Variants in SCUBE1 observed in about 807,000 individuals in gnomAD.
The protein encoded by SCUBE1 is signal peptide, CUB and EGF-like domain-containing protein 1.
SCUBE1 carries 59 observed loss-of-function variants against 124.4 expected under a neutral mutation model. The observed-to-expected ratio is 0.47, with a 90% CI of 0.38 to 0.59. SCUBE1 has a LOEUF of 0.59. Ranked by LOEUF, SCUBE1 falls within the 20% of genes least tolerant of loss-of-function variation. The pLI is 0.00. For missense variants in SCUBE1, 1,150 were observed against 1,371.2 expected (o/e 0.84, Z 2.55); for synonymous variants, 545 against 550.9 (o/e 0.99, Z 0.15).
rs139001 is a variant in SCUBE1 at position 43,219,480 on chromosome 22, C to CTTTTTT, written c.1687+964_1687+969dup. On this transcript the variant is annotated intron_variant, in intron 14 of 21. Coordinates refer to ENST00000360835, the MANE Select transcript of SCUBE1 (RefSeq NM_173050.5). ...CAACGCAAATAGACTAAAACATTTCCTTTTTTTTTTTTTGAGATAGAGTCT... is the reference window on the plus strand; with the variant it reads ...CAACGCAAATAGACTAAAACATTTCCTTTTTTTTTTTTTTTTTTTGAGATAGAGTCT... Among the ~76,000 whole-genome samples, 375 of 144,776 alleles carry CTTTTTT rather than the reference C, an allele frequency of 2.6e-3. 2 individuals are homozygous for CTTTTTT. The highest frequency in any genetic ancestry group is 9.1e-3 in the African/African-American group (354 of 38,862). The allele number at this position is 144,776 out of a possible 152,430, so 95.0% of individuals were successfully genotyped here.
chr22:43,241,820 G>C (rs1258978519), intron 6 of SCUBE1, among the ~76,000 whole-genome samples: 2 of 152,248 alleles, frequency 1.3e-5, no homozygotes, highest in South Asian at 4.1e-4. Flanking sequence ...ATGTGCCCAT[G>C]TCAGGCTCAT....
At chr22:43,326,087 C>G (rs1926718448) in intron 2 of SCUBE1, among the ~76,000 whole-genome samples, 1 of 152,138 alleles carries the variant, frequency 6.6e-6, no homozygotes, top group South Asian at 2.1e-4. Context: ...GTATTTTCCT[C>G]AAAATCGGGA....
chr22:43,231,914 AG>A (rs1922569096), intron 7 of SCUBE1, 39 bp from the exon 8 acceptor site: 8 of 1,603,784 alleles, frequency 5.0e-6, no homozygotes, highest in Non-Finnish European at 6.8e-6. Flanking sequence ...GAGAGCCAGG[AG>A]AATCAGCTTG....
intron 4 of SCUBE1, among the ~76,000 whole-genome samples, chr22:43,284,080 T>C (rs1339821547): frequency 1.3e-5 from 2 of 152,236 alleles, no homozygotes; most frequent in Non-Finnish European, 2.9e-5. Flanking sequence ...GGTCTGTGTA[T>C]GGAGACACAC....
At chr22:43,209,973 C>G in intron 19 of SCUBE1, 70 bp downstream of exon 19, 1 of 1,488,414 alleles carries the variant, frequency 6.7e-7, no homozygotes, top group Non-Finnish European at 9.1e-7. Flanking sequence ...TCCCGCCTGG[C>G]AGAACCGCAG....
chr22:43,324,197 AT>A (rs1270814518), intron 2 of SCUBE1, among the ~76,000 whole-genome samples: 1 of 152,222 alleles, frequency 6.6e-6, no homozygotes, highest in East Asian at 1.9e-4. Context: ...CCTTTTCATT[AT>A]TAAAATGATA....
chr22:43,342,896 G>T (rs1927374079), intron 1 of SCUBE1, among the ~76,000 whole-genome samples: 1 of 151,584 alleles, frequency 6.6e-6, no homozygotes, highest in Non-Finnish European at 1.5e-5. Flanking sequence ...CCCGGGAACC[G>T]CCGCCTTTCT....
chr22:43,273,191 C>G (rs567279989), intron 4 of SCUBE1, among the ~76,000 whole-genome samples: 5 of 152,326 alleles, frequency 3.3e-5, no homozygotes, highest in South Asian at 4.1e-4. Flanking sequence ...CTGGCAGGCA[C>G]GCACTGTGTA....
intron 14 of SCUBE1, 66 bp downstream of exon 14, chr22:43,220,384 G>A: frequency 6.4e-7 from 1 of 1,561,138 alleles, no homozygotes; most frequent in Non-Finnish European, 8.7e-7. Context: ...CAGGCCCCCG[G>A]CAGCGCCACC....
intron 5 of SCUBE1, among the ~76,000 whole-genome samples, chr22:43,259,841 T>C (rs9623794): frequency 0.021 from 3,127 of 152,184 alleles, 108 homozygotes; most frequent in African/African-American, 0.072. Flanking sequence ...GAAAAATGCT[T>C]CCAGAAACAC....
intron 2 of SCUBE1, among the ~76,000 whole-genome samples, chr22:43,325,688 T>C (rs1926703729): frequency 6.6e-6 from 1 of 151,888 alleles, no homozygotes; most frequent in Non-Finnish European, 1.5e-5. Context: ...ACTCCAAGCA[T>C]CCCTGTTCCT....
At position 43,343,353 on chromosome 22, in the gene SCUBE1, G is replaced by T. The variant is rs1456158921; in HGVS notation, c.-92C>A. ...CCGCAGGCGCTGCTCGCTGCTCGCC[G>T]CTCCGCCACCGCTCGGGCTCCCGAG... On this transcript the variant is annotated 5_prime_UTR_variant, in exon 1 of 22. Transcript: ENST00000360835. 14 of 556,160 alleles carry T rather than the reference G, an allele frequency of 2.5e-5. No individual in the cohort carries two copies. Among genetic ancestry groups the T allele is most frequent in the Non-Finnish European group, 3.3e-5 (14 of 426,494 alleles). 34.5% of individuals were successfully genotyped at this position (556,160 alleles called of 1,614,324 possible).
At chr22:43,282,476 C>T (rs1299309172) in intron 4 of SCUBE1, 2 of 152,236 alleles carry the variant, frequency 1.3e-5, no homozygotes, top group African/African-American at 4.8e-5. Context: ...CAGCTGCCTC[C>T]AATCCGTTGC....
In SCUBE1 at chr22:43,258,420, G is replaced by C; in HGVS notation, c.611-85C>G. 1 of 1,009,882 alleles carries C rather than the reference G, an allele frequency of 9.9e-7. No individual in the cohort carries two copies. Among genetic ancestry groups the C allele is most frequent in the East Asian group, 2.4e-5 (1 of 41,864 alleles). 62.6% of individuals were successfully genotyped at this position (1,009,882 alleles called of 1,614,324 possible). A position where few individuals can be genotyped will look rare whatever the true frequency, so the allele number is the denominator to read the frequency against. ...TGCCGGTGTTGGCGGCTGCCTTCAGGGTATGGGGAAACTGAGGCCTAAGGG... is the reference window on the plus strand; with the variant it reads ...TGCCGGTGTTGGCGGCTGCCTTCAGCGTATGGGGAAACTGAGGCCTAAGGG... On this transcript the variant is annotated intron_variant, in intron 5 of 21. Transcript: ENST00000360835. The surrounding 1 kb of genome is among the most constrained non-coding windows in gnomAD (Gnocchi z 5.0).
At chr22:43,294,257 G>A (rs1326383300) in intron 3 of SCUBE1, among the ~76,000 whole-genome samples, 1 of 152,212 alleles carries the variant, frequency 6.6e-6, no homozygotes, top group Non-Finnish European at 1.5e-5. Context: ...GGTGGCTTGA[G>A]GCCATGACCA....
intron 4 of SCUBE1, among the ~76,000 whole-genome samples, chr22:43,280,841 G>A (rs1379027089): frequency 3.2e-5 from 2 of 63,130 alleles, no homozygotes; most frequent in Non-Finnish European, 3.1e-5. Flanking sequence ...CTCCCTCTTT[G>A]GCCACCCTCC....
At chr22:43,247,445 G>T (rs1046906271) in intron 6 of SCUBE1, among the ~76,000 whole-genome samples, 1 of 152,196 alleles carries the variant, frequency 6.6e-6, no homozygotes, top group African/African-American at 2.4e-5. Context: ...CTCCAACCAC[G>T]GATTTCTCTG....
At position 43,211,091 on chromosome 22, in the gene SCUBE1, G is replaced by A. The variant is rs1569495806; in HGVS notation, c.2222-8C>T. On this transcript the variant is annotated splice_polypyrimidine_tract_variant and splice_region_variant and intron_variant, in intron 17 of 21. Coordinates refer to ENST00000360835, the MANE Select transcript of SCUBE1 (RefSeq NM_173050.5). This position sits in a 1 kb window ranked among gnomAD's most constrained non-coding sequence, Gnocchi z 4.5. Reference sequence around the variant, plus strand: ...GGCCGGGGGAGCAGTGCACTGCCGGGGGACACAAGGCAGTGTGGTGGGTGT... The same window carrying A: ...GGCCGGGGGAGCAGTGCACTGCCGGAGGACACAAGGCAGTGTGGTGGGTGT... 1 of 1,604,554 alleles carries A rather than the reference G, an allele frequency of 6.2e-7. No homozygotes were observed. The highest frequency in any genetic ancestry group is 8.5e-7 in the Non-Finnish European group (1 of 1,175,302).
chr22:43,256,832 AG>A (rs1385520058), intron 6 of SCUBE1, among the ~76,000 whole-genome samples: 1 of 152,184 alleles, frequency 6.6e-6, no homozygotes, highest in African/African-American at 2.4e-5. Flanking sequence ...GGAGGGAGAG[AG>A]GCCGGAGGAG....
Sources: gnomAD v4.1 joint callset for allele counts (sites outside exome capture counted in the v4.1 genomes callset) on GRCh38, gnomAD v4.1.1 for gene constraint, Gnocchi (gnomAD v3.1) non-coding constraint, MANE v1.5 for transcripts, NCBI Gene and HGNC (gene_info 2026-07-23, HGNC 2026-07-21) for gene names.